Variants in DOCK2 observed in about 807,000 individuals in gnomAD.
DOCK2 encodes the protein dedicator of cytokinesis protein 2.
DOCK2 carries 87 observed loss-of-function variants against 248.9 expected under a neutral mutation model. The ratio of observed to expected loss-of-function variants is 0.35; its 90% CI spans 0.29 to 0.42. The LOEUF is 0.42. Ranked by LOEUF, DOCK2 falls within the 10% of genes least tolerant of loss-of-function variation. DOCK2 has a pLI of 1.00. For synonymous variants in DOCK2, 805 were observed against 821.6 expected (o/e 0.98, Z 0.35); for missense variants, 1,747 against 2,300.2 (o/e 0.76, Z 4.92).
chr5:169,938,428 T>G (rs1230041829), intron 27 of DOCK2, among the ~76,000 whole-genome samples: 2 of 152,212 alleles, frequency 1.3e-5, no homozygotes, highest in Non-Finnish European at 2.9e-5. Context: ...TAGAGCCTAT[T>G]GCTCCTACGC....
intron 26 of DOCK2, among the ~76,000 whole-genome samples, chr5:169,820,167 A>T (rs77172858): frequency 1.3e-5 from 2 of 152,256 alleles, no homozygotes; most frequent in African/African-American, 4.8e-5. Flanking sequence ...GGAGGCCTGC[A>T]TGCCTCTGTA....
chr5:170,043,408 G>A (rs960070999), intron 38 of DOCK2, among the ~76,000 whole-genome samples: 1 of 152,120 alleles, frequency 6.6e-6, no homozygotes, highest in Non-Finnish European at 1.5e-5. Flanking sequence ...CTACTCCACC[G>A]CTTCCTCTCC....
chr5:169,729,097 T>G (rs1762631574), intron 22 of DOCK2, among the ~76,000 whole-genome samples: 1 of 152,166 alleles, frequency 6.6e-6, no homozygotes. Flanking sequence ...GAGAATGACT[T>G]GGGTGGGAGA....
intron 25 of DOCK2, among the ~76,000 whole-genome samples, chr5:169,776,488 G>A (rs777257694): frequency 3.3e-5 from 5 of 151,934 alleles, no homozygotes; most frequent in Non-Finnish European, 5.9e-5. Context: ...TTATATAATT[G>A]GGATCTTGTT....
Position 169,699,409 on chromosome 5 carries a change from CA to C in DOCK2, c.1084del (p.Ser362AlafsTer7). 1 of 1,613,388 alleles carries C rather than the reference CA, an allele frequency of 6.2e-7. No homozygotes were observed. The highest frequency in any genetic ancestry group is 8.5e-7 in the Non-Finnish European group (1 of 1,179,550). ...PVTAENDFLH[S>X]LLGKVIASKG... ...TTACAGCTGAGAATGACTTCCTACA[CA>C]GCCTGCTGGGCAAAGTCATAGCCTC... On this transcript the variant is annotated frameshift_variant, in exon 12 of 52. Coordinates refer to ENST00000520908, the MANE Select transcript of DOCK2 (RefSeq NM_004946.3). LOFTEE classifies it high-confidence loss of function.
chr5:169,682,309 A>G (rs1759709707), intron 7 of DOCK2, among the ~76,000 whole-genome samples: 1 of 152,278 alleles, frequency 6.6e-6, no homozygotes, highest in Non-Finnish European at 1.5e-5. Flanking sequence ...CACCTGAATC[A>G]TGTGAGGGCA....
At chr5:169,986,437 T>C (rs556858468) in intron 29 of DOCK2, among the ~76,000 whole-genome samples, 34 of 152,208 alleles carry the variant, frequency 2.2e-4, no homozygotes, top group Non-Finnish European at 3.8e-4. Flanking sequence ...TGTGTCTATG[T>C]GTGTATCTAT....
chr5:169,749,007 C>T (rs914075155), intron 23 of DOCK2, among the ~76,000 whole-genome samples: 2 of 152,234 alleles, frequency 1.3e-5, no homozygotes, highest in East Asian at 3.8e-4. Flanking sequence ...AGCTCCTTCT[C>T]CTGCAGCAAA....
intron 6 of DOCK2, among the ~76,000 whole-genome samples, chr5:169,679,577 A>C (rs953339046): frequency 6.6e-6 from 1 of 152,194 alleles, no homozygotes; most frequent in African/African-American, 2.4e-5. Context: ...CACTTTGATA[A>C]ATTTTGAGGA....
intron 23 of DOCK2, among the ~76,000 whole-genome samples, chr5:169,752,186 A>T (rs1763931790): frequency 6.6e-6 from 1 of 152,204 alleles, no homozygotes; most frequent in Non-Finnish European, 1.5e-5. Context: ...ACATATGGCG[A>T]TGTTGTGCAG....
chr5:169,806,962 T>C (rs773634025), intron 26 of DOCK2, among the ~76,000 whole-genome samples: 4 of 151,620 alleles, frequency 2.6e-5, no homozygotes, highest in Non-Finnish European at 5.9e-5. Context: ...TCATTCTTCT[T>C]GGGTGCGGCA....
chr5:170,069,415 A>G (rs1009615407), intron 46 of DOCK2, among the ~76,000 whole-genome samples, 195 bp downstream of exon 46: 3 of 152,096 alleles, frequency 2.0e-5, no homozygotes, highest in African/African-American at 7.2e-5. Context: ...GGGGCATCGC[A>G]CTCTTGGGTG....
chr5:169,664,644 GGA>G (rs1365277898), intron 2 of DOCK2, among the ~76,000 whole-genome samples: 1 of 152,188 alleles, frequency 6.6e-6, no homozygotes, highest in Non-Finnish European at 1.5e-5. Flanking sequence ...CATGGCAGCA[GGA>G]GAGAGAGACA....
chr5:170,027,763 A>G, intron 33 of DOCK2, 100 bp from the exon 34 acceptor site: 2 of 1,098,484 alleles, frequency 1.8e-6, no homozygotes, highest in Non-Finnish European at 2.6e-6. Flanking sequence ...CCTGGGAGAT[A>G]AAGAGTGCTC....
intron 27 of DOCK2, among the ~76,000 whole-genome samples, chr5:169,899,158 C>T (rs768619297): frequency 6.6e-6 from 1 of 152,058 alleles, no homozygotes; most frequent in African/African-American, 2.4e-5. Flanking sequence ...AGTAAGAGCT[C>T]AAAAAATGTT....
intron 34 of DOCK2, among the ~76,000 whole-genome samples, chr5:170,031,033 C>G (rs556847618): frequency 6.6e-6 from 1 of 152,352 alleles, no homozygotes; most frequent in South Asian, 2.1e-4. Flanking sequence ...ACACAGCACT[C>G]CAGTTCTCCC....
intron 27 of DOCK2, among the ~76,000 whole-genome samples, chr5:169,898,658 T>C (rs261063): frequency 0.2 from 30,917 of 152,078 alleles, 4,573 homozygotes; most frequent in African/African-American, 0.42. Flanking sequence ...CAAAAAACTC[T>C]TTCAATCAAG....
At chr5:169,670,714 G>A in intron 4 of DOCK2, 117 bp downstream of exon 4, 1 of 1,244,568 alleles carries the variant, frequency 8.0e-7, no homozygotes, top group Non-Finnish European at 1.1e-6. Context: ...TCTTCTTTGT[G>A]CCTGTGTATA....
chr5:169,914,813 G>A (rs548438999), intron 27 of DOCK2, among the ~76,000 whole-genome samples: 1 of 152,200 alleles, frequency 6.6e-6, no homozygotes. Flanking sequence ...TCATGTACAT[G>A]ATCTGTTGAC....
Sources: gnomAD v4.1 joint callset for allele counts (sites outside exome capture counted in the v4.1 genomes callset) on GRCh38, gnomAD v4.1.1 for gene constraint, MANE v1.5 for transcripts, NCBI Gene and HGNC (gene_info 2026-07-23, HGNC 2026-07-21) for gene names.